The following ASS1 variants were observed in gnomAD, a reference collection of about 807,000 sequenced individuals.
ASS1 encodes the protein argininosuccinate synthase 1, also known as argininosuccinate synthase.
A neutral mutation model predicts 60.5 loss-of-function variants in ASS1; 58 were observed. That is an observed-to-expected ratio of 0.96 (90% CI 0.78 to 1.19). The LOEUF (loss-of-function observed/expected upper bound fraction) is 1.19, where lower values mean the gene tolerates loss of function less well. Ranked by LOEUF, ASS1 falls within the 50% of genes most tolerant of loss-of-function variation. ASS1 has a pLI of 0.00. For missense variants in ASS1, 454 were observed against 547.3 expected, an observed-to-expected ratio of 0.83 and a Z score of 1.70; for synonymous variants, 200 against 206.9, an observed-to-expected ratio of 0.97 and a Z score of 0.29.
rs565259443 is a variant in ASS1 at position 130,484,844 on chromosome 9, C to T, written c.838+4395C>T. Reference sequence around the variant, plus strand: ...ACACACACACACGTGCGCGCGCGCGCGTCGGCAGCAACCTAAAAACAAGTT... The same window carrying T: ...ACACACACACACGTGCGCGCGCGCGTGTCGGCAGCAACCTAAAAACAAGTT... On this transcript the variant is annotated intron_variant, in intron 11 of 14. Transcript: ENST00000352480. 3.6e-3 allele frequency among the ~76,000 whole-genome samples: 541 copies of T among 152,146 alleles called. 4 individuals are homozygous for T. The highest frequency in any genetic ancestry group is 0.012 in the African/African-American group (514 of 41,492).
At chr9:130,500,924 T>G in intron 14 of ASS1, 52 bp from the exon 15 acceptor site, 1 of 1,570,244 alleles carries the variant, frequency 6.4e-7, no homozygotes, top group Non-Finnish European at 8.8e-7. Flanking sequence ...GAACCCAGTG[T>G]GTGTTGTTAT....
rs746175876 is a variant in ASS1 at position 130,470,747 on chromosome 9, G to A, written c.496-87G>A. On this transcript the variant is annotated intron_variant, in intron 6 of 14. Transcript: ENST00000352480. The surrounding 1 kb of genome is among the most constrained non-coding windows in gnomAD (Gnocchi z 4.3). Reference sequence around the variant, plus strand: ...GTCTGAATGGGGGCCAGAGTTTGGGGCTCTCTGAAAAAGCAGGGCCCCTGG... The same window carrying A: ...GTCTGAATGGGGGCCAGAGTTTGGGACTCTCTGAAAAAGCAGGGCCCCTGG... The A allele has an allele frequency of 3.8e-6, 5 of 1,311,260 alleles. No homozygotes were observed. The East Asian group carries it at 1.1e-4, about 30-fold the overall frequency. 81.2% of individuals were successfully genotyped at this position (1,311,260 alleles called of 1,614,324 possible).
chr9:130,501,064 T>TC lies in ASS1; in HGVS notation c.*48dup. 1 of 1,569,136 alleles carries TC rather than the reference T, an allele frequency of 6.4e-7. No individual in the cohort carries two copies. Among genetic ancestry groups the TC allele is most frequent in the Admixed American group, 1.7e-5 (1 of 59,934 alleles). On this transcript the variant is annotated 3_prime_UTR_variant, in exon 15 of 15. Coordinates refer to ENST00000352480, the MANE Select transcript of ASS1 (RefSeq NM_054012.4). ...AGCTGGGGCCTCCTCAATTTGCAGA[T>TC]CCCCCAAGTACAGGCGCTAATTGTT...
intron 1 of ASS1, among the ~76,000 whole-genome samples, chr9:130,450,710 G>C (rs578241781): frequency 4.6e-5 from 7 of 152,344 alleles, no homozygotes; most frequent in Admixed American, 3.3e-4. Flanking sequence ...AGCAGAGGAC[G>C]GGAGGCCTGG....
intron 1 of ASS1, among the ~76,000 whole-genome samples, chr9:130,448,277 C>A (rs929437964): frequency 6.6e-6 from 1 of 152,094 alleles, no homozygotes; most frequent in African/African-American, 2.4e-5. Context: ...CATTTCTCTG[C>A]ATGCATACAC....
At chr9:130,469,029 T>G (rs1353353607) in intron 6 of ASS1, among the ~76,000 whole-genome samples, 2 of 152,270 alleles carry the variant, frequency 1.3e-5, no homozygotes, top group African/African-American at 4.8e-5. Context: ...TCCTTGCTCC[T>G]GGACGGAGGT....
chr9:130,492,110 C>T (rs772224260), intron 12 of ASS1, among the ~76,000 whole-genome samples: 3 of 152,238 alleles, frequency 2.0e-5, no homozygotes, highest in Non-Finnish European at 2.9e-5. Context: ...CAATGTCTGG[C>T]AGACGAGTGC....
At chr9:130,466,033 G>A (rs1343986308) in intron 5 of ASS1, among the ~76,000 whole-genome samples, 1 of 152,212 alleles carries the variant, frequency 6.6e-6, no homozygotes. Flanking sequence ...AGGGGCTGAG[G>A]AGGTGGCGGG....
In ASS1 at chr9:130,470,963, C is replaced by T. The variant is rs138680538; in HGVS notation, c.566+59C>T. ...CCGGGCTCATTCCAAAGGACGGCCACGCGCTGCCCCAGGACGTCCTGGTGA... is the reference window on the plus strand; with the variant it reads ...CCGGGCTCATTCCAAAGGACGGCCATGCGCTGCCCCAGGACGTCCTGGTGA... On this transcript the variant is annotated intron_variant, in intron 7 of 14. Coordinates refer to ENST00000352480, the MANE Select transcript of ASS1 (RefSeq NM_054012.4). The surrounding 1 kb of genome is among the most constrained non-coding windows in gnomAD (Gnocchi z 4.3). The T allele has an allele frequency of 5.3e-5, 84 of 1,570,970 alleles. No individual in the cohort carries two copies. In the African/African-American group the frequency reaches 6.7e-4, roughly 13 times the overall value.
At chr9:130,462,328 T>C (rs1564905643) in intron 4 of ASS1, among the ~76,000 whole-genome samples, 3 of 152,094 alleles carry the variant, frequency 2.0e-5, no homozygotes, top group South Asian at 4.2e-4. Flanking sequence ...TGCACAAATA[T>C]CAGCATGCGG....
intron 4 of ASS1, among the ~76,000 whole-genome samples, chr9:130,462,835 G>T (rs1845634380): frequency 6.6e-6 from 1 of 152,200 alleles, no homozygotes; most frequent in Non-Finnish European, 1.5e-5. Context: ...AGTTAATTAT[G>T]CATGGAGCTC....
At chr9:130,446,170 C>G (rs1388946936) in intron 1 of ASS1, among the ~76,000 whole-genome samples, 3 of 152,244 alleles carry the variant, frequency 2.0e-5, no homozygotes, top group Admixed American at 1.3e-4. Context: ...AAGCTTCAGT[C>G]TGTTAGAGCT....
At chr9:130,465,890 G>A (rs1408801453) in intron 5 of ASS1, among the ~76,000 whole-genome samples, 2 of 152,216 alleles carry the variant, frequency 1.3e-5, no homozygotes, top group Non-Finnish European at 2.9e-5. Flanking sequence ...ACAGCAGCTT[G>A]TGGGGCCAGG....
At chr9:130,445,035 C>A in intron 1 of ASS1, 40 bp downstream of exon 1, 1 of 538,612 alleles carries the variant, frequency 1.9e-6, no homozygotes, top group Non-Finnish European at 2.4e-6. Context: ...CACTCCCTAG[C>A]CGAGAGCACC....
At chr9:130,484,887 T>G (rs1379767343) in intron 11 of ASS1, among the ~76,000 whole-genome samples, 1 of 151,874 alleles carries the variant, frequency 6.6e-6, no homozygotes, top group Non-Finnish European at 1.5e-5. Flanking sequence ...CCGTCACAAT[T>G]AACACTTTCG....
intron 6 of ASS1, among the ~76,000 whole-genome samples, chr9:130,467,273 A>G (rs1588483834): frequency 6.6e-6 from 1 of 152,326 alleles, no homozygotes; most frequent in East Asian, 1.9e-4. Context: ...GCTCCAAGGG[A>G]CAGTCGCAGA....
At chr9:130,487,757 C>CT (rs34850609) in intron 11 of ASS1, among the ~76,000 whole-genome samples, 46,019 of 148,134 alleles carry the variant, frequency 0.31, 7,591 homozygotes, top group East Asian at 0.61. Context: ...GATTTCCTTC[C>CT]TTTTTTTTTT....
At chr9:130,482,441 T>G (rs1846196636) in intron 11 of ASS1, among the ~76,000 whole-genome samples, 2 of 151,890 alleles carry the variant, frequency 1.3e-5, no homozygotes, top group African/African-American at 4.8e-5. Context: ...CATTATCCTG[T>G]TGACTCCAGA....
At chr9:130,455,747 A>G (rs1030933118) in intron 3 of ASS1, among the ~76,000 whole-genome samples, 9 of 152,268 alleles carry the variant, frequency 5.9e-5, no homozygotes, top group Admixed American at 1.3e-4. Flanking sequence ...TGAGCAGGGG[A>G]CATAGCAGGG....
Sources: allele counts gnomAD v4.1 joint callset (sites outside exome capture counted in the v4.1 genomes callset), GRCh38; gene constraint gnomAD v4.1.1; non-coding constraint Gnocchi (gnomAD v3.1); transcripts MANE v1.5; gene names NCBI Gene and HGNC (gene_info 2026-07-23, HGNC 2026-07-21).